The following CCDC60 variants were observed in gnomAD, a reference collection of about 807,000 sequenced individuals.
The protein encoded by CCDC60 is coiled-coil domain-containing protein 60.
CCDC60 carries 54 observed loss-of-function variants against 63.5 expected under a neutral mutation model. The ratio of observed to expected loss-of-function variants is 0.85; its 90% confidence interval spans 0.68 to 1.07. CCDC60 has a LOEUF of 1.07. Ranked by LOEUF, CCDC60 falls within the 50% of genes least tolerant of loss-of-function variation. The pLI is 0.00. For missense variants in CCDC60, 651 were observed against 684.3 expected, an observed-to-expected ratio of 0.95 and a Z score of 0.54; for synonymous variants, 206 against 238.8, an observed-to-expected ratio of 0.86 and a Z score of 1.27.
At chr12:119,344,167 G>C (rs1391993983) in intron 1 of CCDC60, among the ~76,000 whole-genome samples, 2 of 152,130 alleles carry the variant, frequency 1.3e-5, no homozygotes, top group African/African-American at 4.8e-5. Context: ...GTGTGAAGCA[G>C]CATTCCTGAC....
At chr12:119,466,478 T>C (rs1950955695) in intron 2 of CCDC60, among the ~76,000 whole-genome samples, 1 of 152,188 alleles carries the variant, frequency 6.6e-6, no homozygotes, top group African/African-American at 2.4e-5. Context: ...GATTAATCCG[T>C]GTAATAAAGA....
At chr12:119,381,470 T>G (rs1956007232) in intron 1 of CCDC60, among the ~76,000 whole-genome samples, 1 of 152,194 alleles carries the variant, frequency 6.6e-6, no homozygotes. Flanking sequence ...GATAATTTGT[T>G]TCTGTGCCTT....
At chr12:119,452,101 C>A (rs1315966961) in intron 2 of CCDC60, among the ~76,000 whole-genome samples, 1 of 152,122 alleles carries the variant, frequency 6.6e-6, no homozygotes, top group East Asian at 1.9e-4. Flanking sequence ...TTCGTTTAGC[C>A]AAAACTCTGA....
At chr12:119,496,209 C>G (rs1252427760) in intron 5 of CCDC60, among the ~76,000 whole-genome samples, 1 of 152,194 alleles carries the variant, frequency 6.6e-6, no homozygotes, top group African/African-American at 2.4e-5. Flanking sequence ...ATGAGCACGT[C>G]CTAACCTAGC....
chr12:119,345,982 ATTTT>A (rs768961316), intron 1 of CCDC60, among the ~76,000 whole-genome samples: 1 of 118,684 alleles, frequency 8.4e-6, no homozygotes. Context: ...TACCCAGCTG[ATTTT>A]TTTTTTTTTT....
Position 119,488,852 on chromosome 12 carries a change from C to T in CCDC60, c.543C>T (p.Thr181=), listed in dbSNP as rs1193249925. 3 of 1,613,894 alleles carry T rather than the reference C, an allele frequency of 1.9e-6. No homozygotes were observed. The highest frequency in any genetic ancestry group is 1.7e-6 in the Non-Finnish European group (2 of 1,179,860). Reference sequence around the variant, plus strand: ...ACCACACCATGAAGCCTGTGATCACCTGCTGGAACCCAAAGTATGCCTCAG... The same window carrying T: ...ACCACACCATGAAGCCTGTGATCACTTGCTGGAACCCAAAGTATGCCTCAG... ...HTHHTMKPVI[T]CWNPKDPGGS... is the part of the protein sequence containing the mutation. Residue 181 remains threonine (T), a synonymous_variant, in exon 5 of 14, where the codon ACC becomes ACT. Coordinates refer to ENST00000327554, the MANE Select transcript of CCDC60 (RefSeq NM_178499.5).
chr12:119,524,145 G>A (rs1344661868), intron 11 of CCDC60, among the ~76,000 whole-genome samples: 1 of 152,122 alleles, frequency 6.6e-6, no homozygotes, highest in Non-Finnish European at 1.5e-5. Context: ...TGAAGGATGA[G>A]GAAGAGCCAG....
intron 5 of CCDC60, among the ~76,000 whole-genome samples, chr12:119,498,501 T>A (rs1395259733): frequency 1.3e-5 from 2 of 151,860 alleles, no homozygotes; most frequent in African/African-American, 4.8e-5. Flanking sequence ...CCTGGCTAAA[T>A]TTTTTTTGTA....
At chr12:119,340,697 T>C (rs1400016959) in intron 1 of CCDC60, among the ~76,000 whole-genome samples, 2 of 152,106 alleles carry the variant, frequency 1.3e-5, no homozygotes, top group Non-Finnish European at 2.9e-5. Flanking sequence ...GCACAATACG[T>C]TTCCATGGCA....
chr12:119,467,125 C>T (rs530969904), intron 2 of CCDC60, among the ~76,000 whole-genome samples: 1 of 152,342 alleles, frequency 6.6e-6, no homozygotes, highest in South Asian at 2.1e-4. Flanking sequence ...CAGCACACTG[C>T]CTGTGGGGTG....
chr12:119,347,551 T>C (rs1299531907), intron 1 of CCDC60, among the ~76,000 whole-genome samples: 1 of 152,202 alleles, frequency 6.6e-6, no homozygotes, highest in Non-Finnish European at 1.5e-5. Context: ...GGGCTGATAC[T>C]GGCAAAATGT....
At chr12:119,519,465 A>ATTTT (rs1452050210) in intron 8 of CCDC60, among the ~76,000 whole-genome samples, 3 of 122,194 alleles carry the variant, frequency 2.5e-5, no homozygotes, top group African/African-American at 1.0e-4. Context: ...ATATATATAT[A>ATTTT]TATTTTTTTT....
chr12:119,335,516 T>C (rs888302470), intron 1 of CCDC60, among the ~76,000 whole-genome samples: 1 of 150,840 alleles, frequency 6.6e-6, no homozygotes, highest in Admixed American at 6.6e-5. Context: ...TGGTATCTCA[T>C]TGTGGTTTTG....
chr12:119,519,425 G>A (rs1219072035), intron 8 of CCDC60, among the ~76,000 whole-genome samples: 1 of 139,322 alleles, frequency 7.2e-6, no homozygotes, highest in Non-Finnish European at 1.5e-5. Context: ...GTGTGTGTGT[G>A]TGTGTGTGTG....
At chr12:119,524,097 G>A (rs1472968475) in intron 11 of CCDC60, among the ~76,000 whole-genome samples, 1 of 152,194 alleles carries the variant, frequency 6.6e-6, no homozygotes, top group African/African-American at 2.4e-5. Flanking sequence ...GGGAAATCTG[G>A]GAAGACCTCT....
chr12:119,470,988 T>C (rs1309393868), intron 2 of CCDC60, among the ~76,000 whole-genome samples: 1 of 152,198 alleles, frequency 6.6e-6, no homozygotes, highest in Non-Finnish European at 1.5e-5. Context: ...TTATTAGGAA[T>C]TTGGAGAACA....
At chr12:119,462,846 C>T (rs925243529) in intron 2 of CCDC60, among the ~76,000 whole-genome samples, 1 of 146,840 alleles carries the variant, frequency 6.8e-6, no homozygotes, top group African/African-American at 2.5e-5. Flanking sequence ...ATTTTTGAGA[C>T]AGAGTCTTGC....
At chr12:119,528,560 G>T in intron 11 of CCDC60, 55 bp from the exon 12 acceptor site, 1 of 1,574,268 alleles carries the variant, frequency 6.4e-7, no homozygotes, top group South Asian at 1.2e-5. Context: ...CAGCTAAGAT[G>T]GTTACAGGAG....
At chr12:119,371,712 C>T (rs1329488418) in intron 1 of CCDC60, among the ~76,000 whole-genome samples, 1 of 152,200 alleles carries the variant, frequency 6.6e-6, no homozygotes, top group African/African-American at 2.4e-5. Context: ...TTCCTAACCC[C>T]AGAGTTGTTC....
Sources: allele counts gnomAD v4.1 joint callset (sites outside exome capture counted in the v4.1 genomes callset), GRCh38; gene constraint gnomAD v4.1.1; transcripts MANE v1.5; gene names NCBI Gene and HGNC (gene_info 2026-07-23, HGNC 2026-07-21).